Variants in LRRC4C observed in about 807,000 individuals in gnomAD.
LRRC4C encodes the protein leucine rich repeat containing 4C.
Under a neutral mutation model 33.6 loss-of-function variants are expected in LRRC4C, and 5 were observed. The observed-to-expected ratio is 0.15, with a 90% CI of 0.08 to 0.31. The LOEUF (loss-of-function observed/expected upper bound fraction) is 0.31. LRRC4C is among the 10% of genes least tolerant of loss of function. LRRC4C has a pLI of 1.00. For synonymous variants in LRRC4C, 329 were observed against 302.0 expected (o/e 1.09, Z -0.93); for missense variants, 560 against 796.7 (o/e 0.70, Z 3.58).
chr11:40,248,976 A>G (rs1454879758), intron 4 of LRRC4C, among the ~76,000 whole-genome samples: 3 of 152,170 alleles, frequency 2.0e-5, no homozygotes, highest in African/African-American at 7.2e-5. Context: ...TCATCCTAAG[A>G]GTACCTGATA....
chr11:41,174,219 A>G (rs1945099427), intron 1 of LRRC4C, among the ~76,000 whole-genome samples: 1 of 152,150 alleles, frequency 6.6e-6, no homozygotes, highest in African/African-American at 2.4e-5. Flanking sequence ...TTATTTATGT[A>G]TGAGTTATGC....
chr11:40,191,514 A>G (rs1861839034), intron 5 of LRRC4C, among the ~76,000 whole-genome samples: 1 of 152,204 alleles, frequency 6.6e-6, no homozygotes, highest in Admixed American at 6.5e-5. Flanking sequence ...AATTGAGTGC[A>G]GTGTTCTTCC....
At chr11:41,310,902 T>A (rs1950625918) in intron 1 of LRRC4C, among the ~76,000 whole-genome samples, 1 of 152,240 alleles carries the variant, frequency 6.6e-6, no homozygotes, top group South Asian at 2.1e-4. Flanking sequence ...ACACTGGTTC[T>A]AATATATTTT....
chr11:40,772,020 G>T (rs568669156), intron 2 of LRRC4C, among the ~76,000 whole-genome samples: 17 of 152,196 alleles, frequency 1.1e-4, no homozygotes, highest in Admixed American at 3.9e-4. Flanking sequence ...CACATGTTCA[G>T]GTATCTTTAT....
intron 3 of LRRC4C, among the ~76,000 whole-genome samples, chr11:40,526,481 TCAA>T (rs60623928): frequency 0.088 from 13,310 of 151,932 alleles, 1,643 homozygotes; most frequent in African/African-American, 0.28. Flanking sequence ...TGAAAGACAC[TCAA>T]CTCCATTAGT....
intron 2 of LRRC4C, among the ~76,000 whole-genome samples, chr11:40,708,428 G>C (rs556041776): frequency 6.6e-6 from 1 of 152,216 alleles, no homozygotes; most frequent in African/African-American, 2.4e-5. Flanking sequence ...GTTCTCATTG[G>C]TTTCAAAGAA....
At chr11:41,054,065 G>T (rs1858445275) in intron 1 of LRRC4C, among the ~76,000 whole-genome samples, 1 of 152,150 alleles carries the variant, frequency 6.6e-6, no homozygotes, top group Non-Finnish European at 1.5e-5. Context: ...AAAAACATGT[G>T]ATGACAAGTG....
At chr11:40,342,180 A>C (rs1423874229) in intron 3 of LRRC4C, among the ~76,000 whole-genome samples, 4 of 152,202 alleles carry the variant, frequency 2.6e-5, no homozygotes, top group African/African-American at 9.6e-5. Context: ...CATTTAGAAA[A>C]GTAAAGGTGG....
Position 40,587,084 on chromosome 11 carries a change from A to G in LRRC4C, c.-270+61058T>C, listed in dbSNP as rs1030573442. On this transcript the variant is annotated intron_variant, in intron 3 of 6. Coordinates refer to ENST00000528697, the MANE Select transcript of LRRC4C (RefSeq NM_001258419.2). ...CTTGGGCAGTATGGCCATTTTCATG[A>G]TATTGATTCTTCCTACCCATGAGCA... Among the ~76,000 whole-genome samples the G allele has an allele frequency of 2.0e-3, 308 of 151,838 alleles. 1 individual carries two copies. The highest frequency in any genetic ancestry group is 2.9e-3 in the Non-Finnish European group (196 of 67,892).
intron 5 of LRRC4C, among the ~76,000 whole-genome samples, chr11:40,240,751 A>G (rs1206567666): frequency 6.6e-6 from 1 of 152,194 alleles, no homozygotes; most frequent in Non-Finnish European, 1.5e-5. Context: ...TTAGTCATTT[A>G]TGTGATCTGA....
intron 2 of LRRC4C, among the ~76,000 whole-genome samples, chr11:40,648,501 T>G (rs1488356693): frequency 1.3e-5 from 2 of 151,382 alleles, no homozygotes; most frequent in Non-Finnish European, 2.9e-5. Flanking sequence ...TTACACCTAG[T>G]AGTAGATCTC....
chr11:40,303,801 C>T (rs1944897628), intron 4 of LRRC4C, among the ~76,000 whole-genome samples: 1 of 152,088 alleles, frequency 6.6e-6, no homozygotes, highest in Non-Finnish European at 1.5e-5. Flanking sequence ...GACTTATAGC[C>T]TTTGAGAGAC....
chr11:40,850,302 CT>C (rs1456811580), intron 2 of LRRC4C, among the ~76,000 whole-genome samples: 1 of 152,002 alleles, frequency 6.6e-6, no homozygotes, highest in Non-Finnish European at 1.5e-5. Flanking sequence ...TGTTGGTGAT[CT>C]TTGGATGGAG....
chr11:40,464,960 AC>A (rs1952580558), intron 3 of LRRC4C, among the ~76,000 whole-genome samples: 1 of 152,034 alleles, frequency 6.6e-6, no homozygotes, highest in South Asian at 2.1e-4. Flanking sequence ...TTAGAAAAAA[AC>A]AGTTCTAAAA....
At chr11:40,282,351 A>C (rs1361517565) in intron 4 of LRRC4C, among the ~76,000 whole-genome samples, 28 of 152,136 alleles carry the variant, frequency 1.8e-4, no homozygotes, top group Admixed American at 1.8e-3. Context: ...TCTCAAAAAC[A>C]AAACAAAACA....
intron 1 of LRRC4C, among the ~76,000 whole-genome samples, chr11:40,980,863 G>A (rs1288726220): frequency 6.6e-6 from 1 of 152,112 alleles, no homozygotes; most frequent in Non-Finnish European, 1.5e-5. Flanking sequence ...CCCAGCAAAC[G>A]TTATTAGCAT....
chr11:40,570,594 A>C (rs1957945145), intron 3 of LRRC4C, among the ~76,000 whole-genome samples: 2 of 152,178 alleles, frequency 1.3e-5, no homozygotes, highest in South Asian at 4.1e-4. Context: ...ACAAGTATGT[A>C]TGTTATGGAG....
intron 4 of LRRC4C, 147 bp from the exon 5 acceptor site, chr11:40,241,745 A>C (rs1341852817): frequency 1.3e-5 from 2 of 152,198 alleles, no homozygotes; most frequent in Non-Finnish European, 1.5e-5. Context: ...TTTAAATGGC[A>C]CTTGGCACTA....
intron 1 of LRRC4C, among the ~76,000 whole-genome samples, chr11:41,219,539 GC>G (rs1947211468): frequency 6.6e-6 from 1 of 152,184 alleles, no homozygotes; most frequent in African/African-American, 2.4e-5. Context: ...TAAAGGTGTA[GC>G]TGTATTTAGA....
Sources: allele counts gnomAD v4.1 joint callset (sites outside exome capture counted in the v4.1 genomes callset), GRCh38; gene constraint gnomAD v4.1.1; transcripts MANE v1.5; gene names NCBI Gene and HGNC (gene_info 2026-07-23, HGNC 2026-07-21).